KIR2DL3: variants seen among roughly 807,000 people sequenced by gnomAD.
KIR2DL3 encodes killer cell immunoglobulin like receptor, two Ig domains and long cytoplasmic tail 3.
KIR2DL3 carries 39 observed loss-of-function variants against 33.8 expected under a neutral mutation model. That is an observed-to-expected ratio of 1.15 (90% CI 0.89 to 1.51). The LOEUF is 1.51. KIR2DL3 is among the 40% of genes most tolerant of loss of function. The pLI is 0.00. For synonymous variants in KIR2DL3, 174 were observed against 160.2 expected, an observed-to-expected ratio of 1.09 and a Z score of -0.65; for missense variants, 462 against 426.2, an observed-to-expected ratio of 1.08 and a Z score of -0.74.
At chr19:54,742,355 T>C in intron 3 of KIR2DL3, 76 bp downstream of exon 3, 1 of 1,532,712 alleles carries the variant, frequency 6.5e-7, no homozygotes, top group South Asian at 1.1e-5. Flanking sequence ...CCCAGGTAGT[T>C]GTAAGGAAGA....
At chr19:54,741,759 G>A (rs1395910220) in intron 2 of KIR2DL3, among the ~76,000 whole-genome samples, 1 of 151,312 alleles carries the variant, frequency 6.6e-6, no homozygotes, top group Non-Finnish European at 1.5e-5. Flanking sequence ...TCAGCCCAGT[G>A]GGAAGGGAAT....
At chr19:54,741,622 CAA>C (rs2071132161) in intron 2 of KIR2DL3, among the ~76,000 whole-genome samples, 1 of 151,830 alleles carries the variant, frequency 6.6e-6, no homozygotes, top group Non-Finnish European at 1.5e-5. Flanking sequence ...GCAATTCATC[CAA>C]AAGAGATTGA....
In KIR2DL3 at chr19:54,738,583, A is replaced by G. The variant is rs1329541677; in HGVS notation, c.34+4A>G. The G allele has an allele frequency of 2.5e-6, 4 of 1,614,004 alleles. No homozygotes were observed. In the African/African-American group the frequency reaches 4.0e-5, roughly 16 times the overall value. On this transcript the variant is annotated splice_donor_region_variant and intron_variant, in intron 1 of 7. Transcript: ENST00000342376. ...GTCGTCAGCATGGTGTGTGTTGGTG[A>G]GTCCTGGAAGGGCATCGAGGGAGGG...
At position 54,751,113 on chromosome 19, in the gene KIR2DL3, C is replaced by G. The variant is rs1483693283; in HGVS notation, c.716-536C>G. Among the ~76,000 whole-genome samples, 9 of 132,166 alleles carry G rather than the reference C, an allele frequency of 6.8e-5. 3 individuals are homozygous for G. The highest frequency in any genetic ancestry group is 1.7e-5 in the Non-Finnish European group (1 of 60,530). 86.7% of individuals were successfully genotyped at this position (132,166 alleles called of 152,430 possible). ...ACAGTTCTGCAGGCTGTACTGGAAG[C>G]GTGGCACCAGCATCTATTTCTCGTG... On this transcript the variant is annotated intron_variant, in intron 5 of 7. Coordinates refer to ENST00000342376, the MANE Select transcript of KIR2DL3 (RefSeq NM_015868.3).
chr19:54,749,950 C>G (rs1302504131), intron 5 of KIR2DL3, among the ~76,000 whole-genome samples: 2 of 113,752 alleles, frequency 1.8e-5, no homozygotes, highest in South Asian at 3.5e-4. Context: ...ACACGAATGA[C>G]AAAGGCACCT....
chr19:54,750,804 A>G (rs1279037691), intron 5 of KIR2DL3, among the ~76,000 whole-genome samples: 2 of 135,134 alleles, frequency 1.5e-5, no homozygotes, highest in African/African-American at 5.6e-5. Flanking sequence ...CCAGTCCCTC[A>G]AGGCTCAGAA....
At chr19:54,742,320 A>C in intron 3 of KIR2DL3, 41 bp downstream of exon 3, 1 of 1,609,738 alleles carries the variant, frequency 6.2e-7, no homozygotes. Flanking sequence ...TGGGATGCAG[A>C]GTGAATGATC....
intron 5 of KIR2DL3, among the ~76,000 whole-genome samples, chr19:54,747,664 C>T (rs756740939): frequency 2.6e-5 from 4 of 152,168 alleles, no homozygotes; most frequent in Non-Finnish European, 4.4e-5. Flanking sequence ...GTTTGTTCTG[C>T]CTGCATTCCT....
Position 54,745,505 on chromosome 19 carries a change from G to A in KIR2DL3, c.664+1417G>A, listed in dbSNP as rs376756652. Among the ~76,000 whole-genome samples the A allele has an allele frequency of 6.9e-3, 1,043 of 151,912 alleles. 12 individuals carry two copies. The highest frequency in any genetic ancestry group is 0.024 in the African/African-American group (988 of 41,386). Reference sequence around the variant, plus strand: ...AGCCTCCCTAGTAGCTGGGATTACAGGTGCACGCCACCATGCCTGGCTACT... The same window carrying A: ...AGCCTCCCTAGTAGCTGGGATTACAAGTGCACGCCACCATGCCTGGCTACT... On this transcript the variant is annotated intron_variant, in intron 4 of 7. Transcript: ENST00000342376.
intron 4 of KIR2DL3, among the ~76,000 whole-genome samples, chr19:54,744,954 A>ATAT (rs1398407460): frequency 1.6e-4 from 5 of 31,284 alleles, no homozygotes; most frequent in Non-Finnish European, 2.4e-4. Flanking sequence ...ATATATATAT[A>ATAT]TTTTTTTTTT....
At chr19:54,744,917 T>TAA (rs748875419) in intron 4 of KIR2DL3, among the ~76,000 whole-genome samples, 1 of 40,376 alleles carries the variant, frequency 2.5e-5, no homozygotes, top group Non-Finnish European at 5.0e-5. Context: ...CACACATATA[T>TAA]AAACATATAT....
chr19:54,739,524 G>T lies in KIR2DL3; in HGVS notation c.52G>T (p.Gly18Trp). 1 of 1,613,998 alleles carries T rather than the reference G, an allele frequency of 6.2e-7. No homozygotes were observed. The change falls in exon 2 of 8, where the codon GGG becomes TGG. Residue 18 changes from glycine (G) to tryptophan (W), a missense_variant. Gly to Trp is a radical substitution (Grantham distance 184, BLOSUM62 -2). Coordinates refer to ENST00000342376, the MANE Select transcript of KIR2DL3 (RefSeq NM_015868.3). ...CTTTCCAGGGTTCTTCTTGCTGCAG[G>T]GGGCCTGGCCACATGAGGGTGAGTC... ...MVCVGFFLLQ[G>W]AWPHEGVHRK...
In KIR2DL3 at chr19:54,744,064, G is replaced by T; in HGVS notation, c.640G>T (p.Asp214Tyr). The change falls in exon 4 of 8, where the codon GAC becomes TAC. Residue 214 changes from aspartate (D) to tyrosine (Y), a missense_variant. By Grantham distance (160) the Asp-to-Tyr change is radical. Transcript: ENST00000342376. ...DSPYEWSNSS[D>Y]PLLVSVTGNP... ...TCCATACGAGTGGTCAAACTCGAGT[G>T]ACCCACTGCTTGTTTCTGTCACAGG... is the stretch of plus-strand genomic sequence containing the variant. 1.2e-6 allele frequency: 2 copies of T among 1,614,232 alleles called. No individual in the cohort carries two copies. Among genetic ancestry groups the T allele is most frequent in the South Asian group, 2.2e-5 (2 of 91,088 alleles).
At chr19:54,749,660 G>C (rs2073127803) in intron 5 of KIR2DL3, among the ~76,000 whole-genome samples, 2 of 74,770 alleles carry the variant, frequency 2.7e-5, no homozygotes, top group Admixed American at 1.5e-4. Context: ...ACTGCAGGAG[G>C]CCAAGGTGGG....
chr19:54,738,590 G>T lies in KIR2DL3; in HGVS notation c.34+11G>T, dbSNP rs2070221338. 1 of 1,614,022 alleles carries T rather than the reference G, an allele frequency of 6.2e-7. No individual in the cohort carries two copies. Among genetic ancestry groups the T allele is most frequent in the Admixed American group, 1.7e-5 (1 of 60,014 alleles). ...GCATGGTGTGTGTTGGTGAGTCCTGGAAGGGCATCGAGGGAGGGAGTGCGG... is the reference window on the plus strand; with the variant it reads ...GCATGGTGTGTGTTGGTGAGTCCTGTAAGGGCATCGAGGGAGGGAGTGCGG... On this transcript the variant is annotated intron_variant, in intron 1 of 7. Coordinates refer to ENST00000342376, the MANE Select transcript of KIR2DL3 (RefSeq NM_015868.3).
chr19:54,742,312 G>T (rs1984212013), intron 3 of KIR2DL3, 33 bp downstream of exon 3: 3 of 1,611,724 alleles, frequency 1.9e-6, no homozygotes, highest in Non-Finnish European at 2.5e-6. Context: ...ATTGTCATTG[G>T]GATGCAGAGT....
At chr19:54,744,940 ATATATATATATATATTTTT>A (rs1482799939) in intron 4 of KIR2DL3, among the ~76,000 whole-genome samples, 4 of 22,456 alleles carry the variant, frequency 1.8e-4, no homozygotes, top group Non-Finnish European at 3.6e-4. Flanking sequence ...ATATATATAT[ATATATATATATATATTTTT>A]TTTTTTTTTT....
chr19:54,741,517 G>A (rs1163299347), intron 2 of KIR2DL3, among the ~76,000 whole-genome samples: 1 of 152,058 alleles, frequency 6.6e-6, no homozygotes, highest in Non-Finnish European at 1.5e-5. Flanking sequence ...GAAGGCACAG[G>A]CATGGCAAGA....
intron 4 of KIR2DL3, 74 bp downstream of exon 4, chr19:54,744,162 G>T (rs1279636971): frequency 1.3e-6 from 2 of 1,593,914 alleles, no homozygotes; most frequent in Non-Finnish European, 8.6e-7. Context: ...GCTGATGATG[G>T]AGAGAAGCAT....
Sources: gnomAD v4.1 joint callset for allele counts (sites outside exome capture counted in the v4.1 genomes callset) on GRCh38, gnomAD v4.1.1 for gene constraint, MANE v1.5 for transcripts, NCBI Gene and HGNC (gene_info 2026-07-23, HGNC 2026-07-21) for gene names.